Variants in ANKS1B observed in about 807,000 individuals in gnomAD.
ANKS1B encodes the protein ankyrin repeat and sterile alpha motif domain containing 1B, also known as ankyrin repeat and sterile alpha motif domain-containing protein 1B.
A neutral mutation model predicts 148.3 loss-of-function variants in ANKS1B; 36 were observed. That is an observed-to-expected ratio of 0.24 (90% confidence interval 0.19 to 0.32). The LOEUF (loss-of-function observed/expected upper bound fraction) is 0.32. Among genes scored for constraint, ANKS1B ranks in the 10% least tolerant of loss-of-function variants. The pLI, the probability that ANKS1B is intolerant of heterozygous loss-of-function variation, is 1.00. For missense variants in ANKS1B, 1,157 were observed against 1,542.6 expected (o/e 0.75, Z 4.19); for synonymous variants, 542 against 560.8 (o/e 0.97, Z 0.47).
intron 9 of ANKS1B, among the ~76,000 whole-genome samples, chr12:99,635,676 G>A (rs2098227260): frequency 6.6e-6 from 1 of 152,068 alleles, no homozygotes. Flanking sequence ...TTTGGAGACT[G>A]ATTAGACAAT....
chr12:99,204,370 A>C (rs2082392141), intron 14 of ANKS1B, among the ~76,000 whole-genome samples: 1 of 152,230 alleles, frequency 6.6e-6, no homozygotes, highest in South Asian at 2.1e-4. Flanking sequence ...GGGAAACCAA[A>C]TTACTTTGCT....
At chr12:98,856,241 G>A (rs1350699504) in intron 17 of ANKS1B, among the ~76,000 whole-genome samples, 1 of 152,042 alleles carries the variant, frequency 6.6e-6, no homozygotes, top group East Asian at 1.9e-4. Flanking sequence ...TGAATAATCT[G>A]CCAGAAATTA....
intron 15 of ANKS1B, among the ~76,000 whole-genome samples, chr12:99,117,506 T>C (rs1233740126): frequency 6.6e-6 from 1 of 152,210 alleles, no homozygotes; most frequent in Non-Finnish European, 1.5e-5. Context: ...TGTTTATTGA[T>C]TTGTGTATGT....
At chr12:98,877,795 C>T (rs1163206263) in intron 17 of ANKS1B, among the ~76,000 whole-genome samples, 1 of 152,130 alleles carries the variant, frequency 6.6e-6, no homozygotes, top group East Asian at 1.9e-4. Context: ...AATAATTCTT[C>T]TAATCTTAAA....
At chr12:99,038,842 C>T (rs1255897885) in intron 17 of ANKS1B, among the ~76,000 whole-genome samples, 1 of 152,220 alleles carries the variant, frequency 6.6e-6, no homozygotes, top group Admixed American at 6.5e-5. Context: ...ATGAAACCTC[C>T]TTAAAGAAGT....
chr12:98,897,490 G>C (rs1270557023), intron 17 of ANKS1B, among the ~76,000 whole-genome samples: 1 of 152,130 alleles, frequency 6.6e-6, no homozygotes, highest in Non-Finnish European at 1.5e-5. Context: ...CTAATCATCA[G>C]AGAAATGGAA....
At chr12:99,766,220 G>A (rs564968237) in intron 8 of ANKS1B, among the ~76,000 whole-genome samples, 13 of 152,226 alleles carry the variant, frequency 8.5e-5, no homozygotes, top group South Asian at 6.2e-4. Context: ...TCAAGGCACC[G>A]TGTGAGGCAG....
chr12:99,160,485 C>T (rs1385021235), intron 14 of ANKS1B, among the ~76,000 whole-genome samples: 2 of 148,300 alleles, frequency 1.3e-5, no homozygotes. Context: ...ACTACAGGCA[C>T]CCACCACCAC....
chr12:99,572,546 C>T (rs1290262782), intron 9 of ANKS1B, among the ~76,000 whole-genome samples: 4 of 152,154 alleles, frequency 2.6e-5, no homozygotes, highest in East Asian at 1.9e-4. Context: ...CAGTTACAGT[C>T]TAGAATAGCC....
intron 17 of ANKS1B, among the ~76,000 whole-genome samples, chr12:98,838,290 T>A (rs1378392215): frequency 6.6e-6 from 1 of 152,180 alleles, no homozygotes; most frequent in African/African-American, 2.4e-5. Context: ...AGACACAGCA[T>A]AGAAAACACC....
intron 9 of ANKS1B, among the ~76,000 whole-genome samples, chr12:99,538,664 T>C (rs1279619941): frequency 1.3e-5 from 2 of 152,156 alleles, no homozygotes; most frequent in Non-Finnish European, 2.9e-5. Context: ...TAGGTTTTTC[T>C]AAAATCATAT....
intron 17 of ANKS1B, among the ~76,000 whole-genome samples, chr12:98,980,621 T>C (rs533308167): frequency 1.2e-3 from 180 of 152,352 alleles, no homozygotes; most frequent in African/African-American, 4.1e-3. Flanking sequence ...TCTTGTATCT[T>C]GTCTAGTAAT....
chr12:99,663,672 A>G (rs549409770), intron 8 of ANKS1B, among the ~76,000 whole-genome samples: 1 of 151,830 alleles, frequency 6.6e-6, no homozygotes, highest in East Asian at 2.0e-4. Context: ...CTCTGAAATG[A>G]CGTTACTATG....
At chr12:98,974,081 T>C (rs754952837) in intron 17 of ANKS1B, among the ~76,000 whole-genome samples, 3 of 152,180 alleles carry the variant, frequency 2.0e-5, no homozygotes, top group African/African-American at 2.4e-5. Context: ...TTGTAGGTTA[T>C]GTAGTTCAAT....
At chr12:99,007,168 C>G (rs2099936623) in intron 17 of ANKS1B, among the ~76,000 whole-genome samples, 1 of 152,182 alleles carries the variant, frequency 6.6e-6, no homozygotes, top group Non-Finnish European at 1.5e-5. Flanking sequence ...GATGTGGGAG[C>G]TGGAGCTGTC....
intron 15 of ANKS1B, among the ~76,000 whole-genome samples, chr12:99,129,348 T>C (rs2065384236): frequency 6.6e-6 from 1 of 152,012 alleles, no homozygotes; most frequent in South Asian, 2.1e-4. Context: ...AAACCTTTGA[T>C]AAAAAGAAAT....
intron 17 of ANKS1B, among the ~76,000 whole-genome samples, chr12:99,027,743 G>C (rs933055558): frequency 2.0e-5 from 3 of 152,188 alleles, no homozygotes; most frequent in African/African-American, 7.2e-5. Flanking sequence ...TTGCATTGAC[G>C]TTGGGCAATT....
intron 12 of ANKS1B, among the ~76,000 whole-genome samples, chr12:99,351,637 G>T (rs373167257): frequency 5.9e-5 from 9 of 152,050 alleles, no homozygotes; most frequent in African/African-American, 1.9e-4. Context: ...TTGTCATGAG[G>T]ATTAGAAATA....
chr12:98,954,442 A>G (rs1015630021), intron 17 of ANKS1B: 1 of 152,206 alleles, frequency 6.6e-6, no homozygotes, highest in East Asian at 1.9e-4. Context: ...AGATACTGTT[A>G]AGAAGTGAAG....
Sources: allele counts gnomAD v4.1 joint callset (sites outside exome capture counted in the v4.1 genomes callset), GRCh38; gene constraint gnomAD v4.1.1; transcripts MANE v1.5; gene names NCBI Gene and HGNC (gene_info 2026-07-23, HGNC 2026-07-21).